The following C4orf50 variants were observed in gnomAD, a reference collection of about 807,000 sequenced individuals.
C4orf50 encodes uncharacterized protein C4orf50.
A neutral mutation model predicts 77.2 loss-of-function variants in C4orf50; 80 were observed. The ratio of observed to expected loss-of-function variants is 1.04; its 90% confidence interval spans 0.87 to 1.25. The LOEUF is 1.25. Among genes scored for constraint, C4orf50 ranks in the 50% most tolerant of loss-of-function variants. C4orf50 has a pLI of 0.00. For missense variants in C4orf50, 1,257 were observed against 1,152.9 expected (o/e 1.09, Z -1.31); for synonymous variants, 532 against 465.3 (o/e 1.14, Z -1.84).
At chr4:6,004,650 T>C (rs1226199075) in intron 25 of C4orf50, among the ~76,000 whole-genome samples, 2 of 135,892 alleles carry the variant, frequency 1.5e-5, no homozygotes, top group African/African-American at 5.6e-5. Context: ...GTGATGGTGA[T>C]TATGGTGATG....
chr4:6,004,131 ATGG>A (rs1722054123), intron 25 of C4orf50, among the ~76,000 whole-genome samples: 1 of 15,272 alleles, frequency 6.5e-5, no homozygotes, highest in Admixed American at 7.4e-4. Context: ...GATAGTGATG[ATGG>A]TGATGGTGAT....
rs547998884 is a variant in C4orf50 at position 6,004,023 on chromosome 4, T to C, written c.963+3973A>G. Among the ~76,000 whole-genome samples, 57 of 16,404 alleles carry C rather than the reference T, an allele frequency of 3.5e-3. 2 individuals carry two copies. Among genetic ancestry groups the C allele is most frequent in the African/African-American group, 0.01 (52 of 4,970 alleles). The allele number at this position is 16,404 out of a possible 152,430, so 10.8% of individuals were successfully genotyped here. A position where few individuals can be genotyped will look rare whatever the true frequency, so the allele number is the denominator to read the frequency against. On this transcript the variant is annotated intron_variant, in intron 25 of 33. Transcript: ENST00000531445. Reference sequence around the variant, plus strand: ...GGTGATGGTGATGATGTGATGGTGATAATGTGATAGTGATGATGGTGATGG... The same window carrying C: ...GGTGATGGTGATGATGTGATGGTGACAATGTGATAGTGATGATGGTGATGG...
intron 33 of C4orf50, among the ~76,000 whole-genome samples, chr4:5,964,799 G>C (rs1719475308): frequency 6.9e-6 from 1 of 144,606 alleles, no homozygotes; most frequent in Non-Finnish European, 1.5e-5. Context: ...AATGTCACCA[G>C]ACCTAGGACA....
Position 5,988,853 on chromosome 4 carries a change from C to T in C4orf50, c.3193G>A (p.Val1065Ile), listed in dbSNP as rs111741116. The T allele has an allele frequency of 9.6e-4, 1,481 of 1,536,084 alleles. 18 individuals are homozygous for T. The African/African-American group carries it at 0.016, about 17-fold the overall frequency. Reference sequence around the variant, plus strand: ...TCCTTTATCAGCTCTTTATAACTGACGCCAAGCTCCGAGATCAGTGTCTGG... The same window carrying T: ...TCCTTTATCAGCTCTTTATAACTGATGCCAAGCTCCGAGATCAGTGTCTGG... Residue 1065 changes from valine (V) to isoleucine (I), a missense_variant, in exon 28 of 34, where the codon GTC becomes ATC. Coordinates refer to ENST00000531445, the Ensembl canonical transcript of C4orf50.
At chr4:5,937,439 A>G (rs1718076488) in intron 7 of C4orf50, among the ~76,000 whole-genome samples, 1 of 152,172 alleles carries the variant, frequency 6.6e-6, no homozygotes, top group Non-Finnish European at 1.5e-5. Flanking sequence ...AGAATAAAGA[A>G]AACTTAATCA....
Position 6,000,615 on chromosome 4 carries a change from T to C in C4orf50, c.964-6139A>G, listed in dbSNP as rs751304388. Among the ~76,000 whole-genome samples the C allele has an allele frequency of 1.3e-5, 2 of 152,094 alleles. No homozygotes were observed. The highest frequency in any genetic ancestry group is 2.9e-5 in the Non-Finnish European group (2 of 68,008). On this transcript the variant is annotated intron_variant, in intron 25 of 33. Transcript: ENST00000531445. This position sits in a 1 kb window ranked among gnomAD's most constrained non-coding sequence, Gnocchi z 6.0. ...ACGGACTCCACAGGGCTCATTTCCT[T>C]GCCTTTCCTCTGCCCCTACCTCCTT...
chr4:5,967,903 C>T (rs13125972), intron 31 of C4orf50, among the ~76,000 whole-genome samples: 81,982 of 151,758 alleles, frequency 0.54, 23,396 homozygotes, highest in Non-Finnish European at 0.64. Flanking sequence ...CTCCTGGTTC[C>T]GCATTGCACG....
chr4:5,959,604 G>A (rs149603429), exon 34 of C4orf50: 278 of 1,614,052 alleles, frequency 1.7e-4, no homozygotes, highest in East Asian at 6.0e-4. Flanking sequence ...AGGATCAAGC[G>A]TGGACACCAA....
chr4:5,926,837 G>A (rs1180262850), intron 7 of C4orf50, among the ~76,000 whole-genome samples: 3 of 152,152 alleles, frequency 2.0e-5, no homozygotes, highest in Non-Finnish European at 4.4e-5. Context: ...CTGGCCCGAG[G>A]GGGAACCAAA....
chr4:5,919,815 C>A lies in C4orf50; in HGVS notation c.*2475-21627G>T, dbSNP rs1237696591. Among the ~76,000 whole-genome samples, 2 of 152,174 alleles carry A rather than the reference C, an allele frequency of 1.3e-5. No homozygotes were observed. The highest frequency in any genetic ancestry group is 2.9e-5 in the Non-Finnish European group (2 of 68,030). The stretch of plus-strand genomic sequence containing the variant: ...AAAGCCCATGGGAGAAGACGCTTCA[C>A]CAGAATCAACTCTGAAATAGGGGTT... On this transcript the variant is annotated intron_variant, in intron 7 of 7. Transcript: ENST00000324058. The surrounding 1 kb of genome is among the most constrained non-coding windows in gnomAD (Gnocchi z 6.5).
chr4:5,933,121 T>C (rs1291252886), intron 7 of C4orf50, among the ~76,000 whole-genome samples: 2 of 152,160 alleles, frequency 1.3e-5, no homozygotes, highest in Non-Finnish European at 2.9e-5. Context: ...CTAACAAGCC[T>C]CCTCTCTGCC....
rs1020644276 is a variant in C4orf50, at chr4:5,900,220, A to G, written c.*2475-2032T>C. The G allele has an allele frequency of 8.5e-5, 13 of 152,314 alleles. No homozygotes were observed. Among genetic ancestry groups the G allele is most frequent in the African/African-American group, 3.1e-4 (13 of 41,564 alleles). 9.4% of individuals were successfully genotyped at this position (152,314 alleles called of 1,614,324 possible). A position where few individuals can be genotyped will look rare whatever the true frequency, so the allele number is the denominator to read the frequency against. Reference sequence around the variant, plus strand: ...TCTCAAGTTTATAAAAGTTTACTCAATAAATTGCTGAGTAAAACAAATAGA... The same window carrying G: ...TCTCAAGTTTATAAAAGTTTACTCAGTAAATTGCTGAGTAAAACAAATAGA... On this transcript the variant is annotated intron_variant, in intron 7 of 7. Coordinates refer to the C4orf50 transcript ENST00000324058. This position sits in a 1 kb window ranked among gnomAD's most constrained non-coding sequence, Gnocchi z 4.3.
chr4:5,931,305 G>C (rs566565729), intron 7 of C4orf50, among the ~76,000 whole-genome samples: 23 of 152,308 alleles, frequency 1.5e-4, no homozygotes, highest in African/African-American at 4.8e-4. Flanking sequence ...CACAGTGCAA[G>C]GGACACCTAG....
rs536271849 is a variant in C4orf50, at chr4:5,992,420, G to A, written c.1221+383C>T. ...GGGCCAGCATGGGGCAGTGTGGGCC[G>A]TCGAGCCTGGATCTCGGGGTCCACC... On this transcript the variant is annotated intron_variant, in intron 27 of 33. Transcript: ENST00000531445. This position sits in a 1 kb window ranked among gnomAD's most constrained non-coding sequence, Gnocchi z 5.0. Among the ~76,000 whole-genome samples, 13 of 152,192 alleles carry A rather than the reference G, an allele frequency of 8.5e-5. No individual in the cohort carries two copies. The highest frequency in any genetic ancestry group is 3.9e-4 in the East Asian group (2 of 5,158).
Position 5,978,244 on chromosome 4 carries a change from C to T in C4orf50, c.3864+1930G>A, listed in dbSNP as rs542830455. Among the ~76,000 whole-genome samples the T allele has an allele frequency of 2.6e-3, 395 of 152,252 alleles. 3 individuals are homozygous for T. Among genetic ancestry groups the T allele is most frequent in the African/African-American group, 9.1e-3 (377 of 41,546 alleles). On this transcript the variant is annotated intron_variant, in intron 29 of 33. Coordinates refer to ENST00000531445, the Ensembl canonical transcript of C4orf50. Reference sequence around the variant, plus strand: ...ACATAAAATGAAGTTATCAGAGACACTCTTCCTCTTTAAAGCAACTGCGAT... The same window carrying T: ...ACATAAAATGAAGTTATCAGAGACATTCTTCCTCTTTAAAGCAACTGCGAT...
chr4:5,980,920 G>T (rs201917204), intron 28 of C4orf50, among the ~76,000 whole-genome samples: 1 of 152,152 alleles, frequency 6.6e-6, no homozygotes, highest in African/African-American at 2.4e-5. Context: ...TGAGATTAGC[G>T]GGTTTCATTC....
intron 7 of C4orf50, among the ~76,000 whole-genome samples, chr4:5,910,528 C>T (rs999360365): frequency 6.6e-6 from 1 of 152,120 alleles, no homozygotes; most frequent in African/African-American, 2.4e-5. Context: ...ACTAGTTATT[C>T]CTAAGGAATT....
rs569860064 is a variant in C4orf50 at position 5,928,215 on chromosome 4, C to G, written c.*2474+28686G>C. Among the ~76,000 whole-genome samples the G allele has an allele frequency of 9.2e-5, 14 of 152,298 alleles. No individual in the cohort carries two copies. The South Asian group carries it at 2.9e-3, about 32-fold the overall frequency. On this transcript the variant is annotated intron_variant, in intron 7 of 7. Transcript: ENST00000324058. ...TCACAAAATTACTCGGAAACAGTATCCATTTTCTATTCACTGAGTGTCTGC... is the reference window on the plus strand; with the variant it reads ...TCACAAAATTACTCGGAAACAGTATGCATTTTCTATTCACTGAGTGTCTGC...
chr4:5,926,079 T>C (rs1717500583), intron 7 of C4orf50, among the ~76,000 whole-genome samples: 1 of 152,146 alleles, frequency 6.6e-6, no homozygotes, highest in South Asian at 2.1e-4. Flanking sequence ...TCCAGGGAGT[T>C]TTCCTTTCGC....
Sources: allele counts gnomAD v4.1 joint callset (sites outside exome capture counted in the v4.1 genomes callset), GRCh38; gene constraint gnomAD v4.1.1; non-coding constraint Gnocchi (gnomAD v3.1); transcripts MANE v1.5; gene names NCBI Gene and HGNC (gene_info 2026-07-23, HGNC 2026-07-21).